Variants in RSPO2 observed in about 807,000 individuals in gnomAD.
RSPO2 encodes the protein R-spondin 2.
RSPO2 carries 14 observed loss-of-function variants against 30.9 expected under a neutral mutation model. The observed-to-expected ratio is 0.45, with a 90% confidence interval of 0.30 to 0.71. The LOEUF is 0.71. Ranked by LOEUF, RSPO2 falls within the 30% of genes least tolerant of loss-of-function variation. RSPO2 has a pLI of 0.08. For missense variants in RSPO2, 264 were observed against 301.9 expected, an observed-to-expected ratio of 0.87 and a Z score of 0.93; for synonymous variants, 107 against 96.4, an observed-to-expected ratio of 1.11 and a Z score of -0.64.
At chr8:108,009,257 CATA>C (rs1478953755) in intron 2 of RSPO2, among the ~76,000 whole-genome samples, 3 of 152,074 alleles carry the variant, frequency 2.0e-5, no homozygotes, top group Non-Finnish European at 4.4e-5. Context: ...ATGTGAATTT[CATA>C]ATATTACTTC....
intron 5 of RSPO2, among the ~76,000 whole-genome samples, chr8:107,928,936 A>G (rs1239868638): frequency 1.3e-5 from 2 of 152,216 alleles, no homozygotes; most frequent in East Asian, 1.9e-4. Context: ...AATGTCAATG[A>G]GACCAGAAGA....
At chr8:108,029,123 T>C (rs969826072) in intron 2 of RSPO2, among the ~76,000 whole-genome samples, 1 of 128,146 alleles carries the variant, frequency 7.8e-6, no homozygotes, top group African/African-American at 2.9e-5. Context: ...GCATCAGGGA[T>C]TAGCAAACTA....
intron 2 of RSPO2, among the ~76,000 whole-genome samples, chr8:108,002,087 C>A (rs1815269504): frequency 6.6e-6 from 1 of 152,122 alleles, no homozygotes; most frequent in Admixed American, 6.6e-5. Context: ...ATCCTATAAG[C>A]CTTAGCTTGA....
intron 5 of RSPO2, among the ~76,000 whole-genome samples, chr8:107,937,434 A>G (rs1332193064): frequency 6.6e-6 from 1 of 152,108 alleles, no homozygotes; most frequent in African/African-American, 2.4e-5. Context: ...AAACCTCACG[A>G]GCCTGCAACA....
chr8:108,010,241 A>C (rs1368109685), intron 2 of RSPO2, among the ~76,000 whole-genome samples: 1 of 152,180 alleles, frequency 6.6e-6, no homozygotes, highest in Non-Finnish European at 1.5e-5. Context: ...GGGAGAGAAG[A>C]AAACACTGAG....
chr8:108,017,895 G>A (rs1810944866), intron 2 of RSPO2, among the ~76,000 whole-genome samples: 1 of 152,078 alleles, frequency 6.6e-6, no homozygotes, highest in Non-Finnish European at 1.5e-5. Context: ...AGTAGTCTGT[G>A]GGCTGTCAGC....
chr8:107,982,009 C>CAAAAAAAAAAAAAAAAAA (rs372977834), intron 3 of RSPO2, among the ~76,000 whole-genome samples: 4 of 55,378 alleles, frequency 7.2e-5, no homozygotes, highest in Middle Eastern at 0.015. Context: ...ACAACAACAA[C>CAAAAAAAAAAAAAAAAAA]AAAAAAAAAA....
chr8:107,909,703 A>T (rs747445209), intron 5 of RSPO2, among the ~76,000 whole-genome samples: 6 of 152,226 alleles, frequency 3.9e-5, no homozygotes, highest in Non-Finnish European at 8.8e-5. Context: ...GAAACCCTGT[A>T]TGAACTGGTA....
At chr8:108,060,724 C>T (rs1189387722) in intron 2 of RSPO2, among the ~76,000 whole-genome samples, 1 of 151,614 alleles carries the variant, frequency 6.6e-6, no homozygotes, top group African/African-American at 2.4e-5. Context: ...CTCCAAGACA[C>T]GTAATTGTCA....
At chr8:107,959,982 G>T (rs1386594763) in intron 4 of RSPO2, among the ~76,000 whole-genome samples, 1 of 152,014 alleles carries the variant, frequency 6.6e-6, no homozygotes. Flanking sequence ...ATGAAATTCT[G>T]GGGAGGGGGC....
At chr8:108,034,741 G>A (rs370449358) in intron 2 of RSPO2, among the ~76,000 whole-genome samples, 4 of 152,140 alleles carry the variant, frequency 2.6e-5, no homozygotes, top group African/African-American at 9.7e-5. Flanking sequence ...ATTTTGCTGT[G>A]CCCTGGTTAT....
chr8:108,082,527 T>TGGCAGA lies in RSPO2; in HGVS notation c.94+12_94+17dup, dbSNP rs760257380. On this transcript the variant is annotated intron_variant, in intron 2 of 5. Coordinates refer to ENST00000276659, the MANE Select transcript of RSPO2 (RefSeq NM_178565.5). Reference sequence around the variant, plus strand: ...ACCCCTGAAGCCCACCACGCACCTTTGGCAGAGAGGGACCCACCTCGCTTA... The same window carrying TGGCAGA: ...ACCCCTGAAGCCCACCACGCACCTTTGGCAGAGGCAGAGAGGGACCCACCTCGCTTA... The TGGCAGA allele has an allele frequency of 3.1e-6, 5 of 1,605,250 alleles. No homozygotes were observed. In the South Asian group the frequency reaches 5.5e-5, roughly 18 times the overall value.
Position 108,055,837 on chromosome 8 carries a change from A to G in RSPO2, c.94+26708T>C, listed in dbSNP as rs1237286073. Among the ~76,000 whole-genome samples, 4 of 152,174 alleles carry G rather than the reference A, an allele frequency of 2.6e-5. No individual in the cohort carries two copies. In the East Asian group the frequency reaches 7.7e-4, roughly 29 times the overall value. On this transcript the variant is annotated intron_variant, in intron 2 of 5. Coordinates refer to ENST00000276659, the MANE Select transcript of RSPO2 (RefSeq NM_178565.5). ...CAAGGCAATATGCCCAACATCTCCC[A>G]CCTACAGAATTATAATTAGTACAAT...
chr8:107,963,496 C>T (rs1813696765), intron 3 of RSPO2, among the ~76,000 whole-genome samples: 2 of 110,802 alleles, frequency 1.8e-5, no homozygotes, highest in South Asian at 6.2e-4. Flanking sequence ...TGCACTCTAG[C>T]TTAGGCAATG....
intron 3 of RSPO2, among the ~76,000 whole-genome samples, chr8:107,979,773 T>G (rs1814359582): frequency 6.6e-6 from 1 of 151,994 alleles, no homozygotes; most frequent in Non-Finnish European, 1.5e-5. Context: ...TATCTTCTAA[T>G]CTCTTGAATC....
intron 2 of RSPO2, among the ~76,000 whole-genome samples, chr8:107,994,156 G>A (rs1031618298): frequency 2.0e-5 from 3 of 151,916 alleles, no homozygotes; most frequent in Non-Finnish European, 4.4e-5. Flanking sequence ...ATCTTGCCTG[G>A]ATTTTGGTTA....
At chr8:108,043,332 A>G (rs182166879) in intron 2 of RSPO2, among the ~76,000 whole-genome samples, 44 of 152,258 alleles carry the variant, frequency 2.9e-4, no homozygotes, top group African/African-American at 1.1e-3. Context: ...CAGAGAGATA[A>G]AAGCAGGAAC....
At chr8:107,942,810 A>G (rs1244920287) in intron 5 of RSPO2, among the ~76,000 whole-genome samples, 2 of 152,246 alleles carry the variant, frequency 1.3e-5, no homozygotes, top group Non-Finnish European at 1.5e-5. Flanking sequence ...TTTCATAGCT[A>G]GCTTGTCCAT....
At chr8:108,074,389 T>C (rs7008700) in intron 2 of RSPO2, among the ~76,000 whole-genome samples, 18,381 of 152,144 alleles carry the variant, frequency 0.12, 2,327 homozygotes, top group African/African-American at 0.32. Context: ...TAGACACCCA[T>C]ACACACATAC....
Sources: allele counts gnomAD v4.1 joint callset (sites outside exome capture counted in the v4.1 genomes callset), GRCh38; gene constraint gnomAD v4.1.1; transcripts MANE v1.5; gene names NCBI Gene and HGNC (gene_info 2026-07-23, HGNC 2026-07-21).